Variants in PLAGL1 observed in about 807,000 individuals in gnomAD.
PLAGL1 encodes the protein zinc finger protein PLAGL1.
In PLAGL1, 1 loss-of-function variant was observed where a neutral mutation model predicts 4.6. That is an observed-to-expected ratio of 0.22 (90% CI 0.08 to 1.03). PLAGL1 has a LOEUF of 1.03. PLAGL1 is among the 50% of genes least tolerant of loss of function. PLAGL1 has a pLI of 0.58. For synonymous variants in PLAGL1, 240 were observed against 237.8 expected (o/e 1.01, Z -0.08); for missense variants, 464 against 570.4 (o/e 0.81, Z 1.90).
intron 7 of PLAGL1, among the ~76,000 whole-genome samples, chr6:143,944,062 T>C (rs902930301): frequency 1.3e-5 from 2 of 152,242 alleles, no homozygotes; most frequent in African/African-American, 4.8e-5. Flanking sequence ...TCAGGGCAGA[T>C]ACCTCCTTTA....
At position 143,955,095 on chromosome 6, in the gene PLAGL1, T is replaced by G. The variant is rs1781841056; in HGVS notation, c.-325+5374A>C. Among the ~76,000 whole-genome samples the G allele has an allele frequency of 3.3e-5, 5 of 152,192 alleles. No homozygotes were observed. Among genetic ancestry groups the G allele is most frequent in the Admixed American group, 3.3e-4 (5 of 15,280 alleles). On this transcript the variant is annotated intron_variant, in intron 6 of 7. Transcript: ENST00000674357. The surrounding 1 kb of genome is among the most constrained non-coding windows in gnomAD (Gnocchi z 4.9). ...ACATTGCTCTATAATGACATATGCA[T>G]GAAAACAGATAAATAGAAGTGAAAA...
rs1554277759 is a variant in PLAGL1 at position 144,027,285 on chromosome 6, AAGAAAG to A, written c.-151+37177_-151+37182del. On this transcript the variant is annotated intron_variant, in intron 1 of 3. Coordinates refer to the PLAGL1 transcript ENST00000437412. The surrounding 1 kb of genome is among the most constrained non-coding windows in gnomAD (Gnocchi z 5.8). ...AAAGAAAGAAAGAAAGAAAGAAAGA[AAGAAAG>A]AAAGTTATTTGATCTGAAGTACAAT... Among the ~76,000 whole-genome samples the A allele has an allele frequency of 8.3e-6, 1 of 120,660 alleles. No homozygotes were observed. The highest frequency in any genetic ancestry group is 1.8e-5 in the Non-Finnish European group (1 of 54,800). 79.2% of individuals were successfully genotyped at this position (120,660 alleles called of 152,430 possible).
At position 143,948,404 on chromosome 6, in the gene PLAGL1, G is replaced by C. The variant is rs2076684; in HGVS notation, c.-268C>G. The C allele has an allele frequency of 0.12, 49,550 of 399,098 alleles. 4,638 individuals are homozygous for C. Among genetic ancestry groups the C allele is most frequent in the East Asian group, 0.44 (10,114 of 22,812 alleles). 24.7% of individuals were successfully genotyped at this position (399,098 alleles called of 1,614,324 possible). ...TCTGAGGCACAGGTGCGATTCAGGAGCAGAAAGGTAATCTGCATCACTATA... is the reference window on the plus strand; with the variant it reads ...TCTGAGGCACAGGTGCGATTCAGGACCAGAAAGGTAATCTGCATCACTATA... On this transcript the variant is annotated 5_prime_UTR_variant, in exon 7 of 8. Coordinates refer to ENST00000674357, the MANE Select transcript of PLAGL1 (RefSeq NM_001317162.2). The surrounding 1 kb of genome is among the most constrained non-coding windows in gnomAD (Gnocchi z 6.0).
intron 1 of PLAGL1, among the ~76,000 whole-genome samples, chr6:144,038,308 TCATTGTAGAAACTGA>T (rs1797426203): frequency 6.6e-6 from 1 of 152,240 alleles, no homozygotes; most frequent in Admixed American, 6.5e-5. Flanking sequence ...TTGGTTAATT[TCATTGTAGAAACTGA>T]CAAGCTGTTC....
At position 143,984,226 on chromosome 6, in the gene PLAGL1, A is replaced by T. The variant is rs2128613578; in HGVS notation, c.-544+909T>A. Reference sequence around the variant, plus strand: ...TATCATTCTGAAAAATGTACAATTAATTCTGTCATTTATATCAGTTTCCTA... The same window carrying T: ...TATCATTCTGAAAAATGTACAATTATTTCTGTCATTTATATCAGTTTCCTA... On this transcript the variant is annotated intron_variant, in intron 2 of 7. Transcript: ENST00000674357. This position sits in a 1 kb window ranked among gnomAD's most constrained non-coding sequence, Gnocchi z 5.5. Among the ~76,000 whole-genome samples, 1 of 152,114 alleles carries T rather than the reference A, an allele frequency of 6.6e-6. No homozygotes were observed. The highest frequency in any genetic ancestry group is 1.9e-4 in the East Asian group (1 of 5,196).
chr6:144,057,677 C>G (rs1038996318), intron 1 of PLAGL1, among the ~76,000 whole-genome samples: 9 of 152,300 alleles, frequency 5.9e-5, no homozygotes, highest in African/African-American at 2.2e-4. Flanking sequence ...TAGCTCCTCT[C>G]CCTAAAAGCC....
rs998107223 is a variant in PLAGL1 at position 143,995,492 on chromosome 6, T to C, written c.-583-10318A>G. ...ACTACATAATTTAAACAGATTTCTA[T>C]ACTTTGTATTTAGGTGCGAACCATT... On this transcript the variant is annotated intron_variant, in intron 1 of 7. Coordinates refer to ENST00000674357, the MANE Select transcript of PLAGL1 (RefSeq NM_001317162.2). This position sits in a 1 kb window ranked among gnomAD's most constrained non-coding sequence, Gnocchi z 4.4. Among the ~76,000 whole-genome samples the C allele has an allele frequency of 2.6e-5, 4 of 152,210 alleles. No individual in the cohort carries two copies. Among genetic ancestry groups the C allele is most frequent in the African/African-American group, 7.2e-5 (3 of 41,466 alleles).
chr6:144,010,566 GCTACCATTGACTTTCTT>G (rs1467720996), upstream of PLAGL1, among the ~76,000 whole-genome samples: 1 of 152,078 alleles, frequency 6.6e-6, no homozygotes, highest in Non-Finnish European at 1.5e-5. This position sits in a 1 kb window ranked among gnomAD's most constrained non-coding sequence, Gnocchi z 4.1. Flanking sequence ...TCCCCATCAA[GCTACCATTGACTTTCTT>G]CACAGAATTA....
At chr6:143,969,870 T>C (rs1785101996) in intron 2 of PLAGL1, among the ~76,000 whole-genome samples, 1 of 152,016 alleles carries the variant, frequency 6.6e-6, no homozygotes, top group Non-Finnish European at 1.5e-5. Flanking sequence ...AAGAATTTGC[T>C]GTGCAGACCC....
chr6:143,962,722 T>C lies in PLAGL1; in HGVS notation c.-399+2065A>G, dbSNP rs955648637. 2.6e-5 allele frequency among the ~76,000 whole-genome samples: 4 copies of C among 152,216 alleles called. No individual in the cohort carries two copies. The highest frequency in any genetic ancestry group is 9.6e-5 in the African/African-American group (4 of 41,462). ...ACCCACATTGAACAAAGGGATTTCC[T>C]TCCAGTTTCAGCTCATTCACTTCTA... is the stretch of plus-strand genomic sequence containing the variant. On this transcript the variant is annotated intron_variant, in intron 5 of 7. Coordinates refer to ENST00000674357, the MANE Select transcript of PLAGL1 (RefSeq NM_001317162.2). The surrounding 1 kb of genome is among the most constrained non-coding windows in gnomAD (Gnocchi z 5.3).
chr6:144,007,210 T>C (rs887421348), intron 1 of PLAGL1: 1 of 152,184 alleles, frequency 6.6e-6, no homozygotes, highest in Non-Finnish European at 1.5e-5. Flanking sequence ...CCCTCGGTCA[T>C]TAAACAGTAT....
At chr6:143,996,024 C>T (rs1009545967) in intron 1 of PLAGL1, among the ~76,000 whole-genome samples, 5 of 152,164 alleles carry the variant, frequency 3.3e-5, no homozygotes, top group Non-Finnish European at 7.4e-5. Context: ...CCTGGTCACC[C>T]TCCCACCATC....
chr6:143,945,008 C>G lies in PLAGL1; in HGVS notation c.153-2345G>C, dbSNP rs373877006. Among the ~76,000 whole-genome samples the G allele has an allele frequency of 1.3e-5, 2 of 152,194 alleles. No individual in the cohort carries two copies. Among genetic ancestry groups the G allele is most frequent in the African/African-American group, 4.8e-5 (2 of 41,432 alleles). On this transcript the variant is annotated intron_variant, in intron 7 of 7. Transcript: ENST00000674357. The surrounding 1 kb of genome is among the most constrained non-coding windows in gnomAD (Gnocchi z 4.2). ...TACCTGTAAGTGGGGCACAGTCTGA[C>G]ACCCCAGTAGTACTTGAGCAAGACC...
intron 1 of PLAGL1, among the ~76,000 whole-genome samples, chr6:143,991,814 A>G (rs907695926): frequency 6.6e-6 from 1 of 152,208 alleles, no homozygotes; most frequent in Admixed American, 6.5e-5. Flanking sequence ...TTAAGGGCAG[A>G]CTGTGCCCTG....
chr6:143,966,907 T>C lies in PLAGL1; in HGVS notation c.-471-709A>G, dbSNP rs1293812021. 1 of 152,314 alleles carries C rather than the reference T, an allele frequency of 6.6e-6. No homozygotes were observed. Among genetic ancestry groups the C allele is most frequent in the East Asian group, 1.9e-4 (1 of 5,188 alleles). 9.4% of individuals were successfully genotyped at this position (152,314 alleles called of 1,614,324 possible). On this transcript the variant is annotated intron_variant, in intron 3 of 7. Coordinates refer to ENST00000674357, the MANE Select transcript of PLAGL1 (RefSeq NM_001317162.2). This position sits in a 1 kb window ranked among gnomAD's most constrained non-coding sequence, Gnocchi z 6.0. ...TAATGATATTCCTTAGATAATACAT[T>C]TTCTTACCTAAAAGTGGTACAATAA...
At chr6:144,025,048 G>T (rs538019030) in intron 1 of PLAGL1, among the ~76,000 whole-genome samples, 6 of 152,132 alleles carry the variant, frequency 3.9e-5, no homozygotes, top group African/African-American at 1.2e-4. Context: ...CATTATAGAG[G>T]GGGGAGGGGT....
At chr6:144,031,038 T>G (rs553816969) in intron 1 of PLAGL1, among the ~76,000 whole-genome samples, 4 of 152,330 alleles carry the variant, frequency 2.6e-5, no homozygotes, top group Admixed American at 1.3e-4. Context: ...TTTTTTATTA[T>G]GGCCATTCTT....
In PLAGL1 at chr6:143,975,615, A is replaced by G. The variant is rs1786347023; in HGVS notation, c.-543-6637T>C. Among the ~76,000 whole-genome samples the G allele has an allele frequency of 6.6e-6, 1 of 152,212 alleles. No individual in the cohort carries two copies. The highest frequency in any genetic ancestry group is 2.4e-5 in the African/African-American group (1 of 41,450). The stretch of plus-strand genomic sequence containing the variant: ...ATAAAATTTAACATTCAGTCTCTAG[A>G]TTGCATGATTCCTTGCATTAAAAGT... On this transcript the variant is annotated intron_variant, in intron 2 of 7. Transcript: ENST00000674357. The surrounding 1 kb of genome is among the most constrained non-coding windows in gnomAD (Gnocchi z 5.8).
At chr6:144,018,377 C>T (rs565810102) in intron 1 of PLAGL1, among the ~76,000 whole-genome samples, 1 of 152,106 alleles carries the variant, frequency 6.6e-6, no homozygotes, top group Non-Finnish European at 1.5e-5. Context: ...CAGGGGCTGG[C>T]GGGGGTGAGA....
Sources: gnomAD v4.1 joint callset for allele counts (sites outside exome capture counted in the v4.1 genomes callset) on GRCh38, gnomAD v4.1.1 for gene constraint, Gnocchi (gnomAD v3.1) non-coding constraint, MANE v1.5 for transcripts, NCBI Gene and HGNC (gene_info 2026-07-23, HGNC 2026-07-21) for gene names.